Variants in MFSD11 observed in about 807,000 individuals in gnomAD.
The protein encoded by MFSD11 is major facilitator superfamily domain containing 11, also known as UNC93-like protein MFSD11.
In MFSD11, 36 loss-of-function variants were observed where a neutral mutation model predicts 53.5. That is an observed-to-expected ratio of 0.67 (90% confidence interval 0.52 to 0.89). The LOEUF (loss-of-function observed/expected upper bound fraction) is 0.89. Among genes scored for constraint, MFSD11 ranks in the 40% least tolerant of loss-of-function variants. The pLI is 0.00. For missense variants in MFSD11, 530 were observed against 543.9 expected, an observed-to-expected ratio of 0.97 and a Z score of 0.25; for synonymous variants, 186 against 184.9, an observed-to-expected ratio of 1.01 and a Z score of -0.05.
At chr17:76,737,323 G>C (rs933213767), upstream of MFSD11, 4 of 920,326 alleles carry the variant, frequency 4.3e-6, no homozygotes, top group Non-Finnish European at 6.2e-6. Context: ...GCGCACCTGA[G>C]TAACAACTGG....
At chr17:76,793,186 A>C in the MFSD11 span, among the ~76,000 whole-genome samples, 13 of 151,408 alleles carry the variant, frequency 8.6e-5, no homozygotes, top group African/African-American at 2.9e-4. Flanking sequence ...TCAAAAATTT[A>C]TTAGGCGGGA....
chr17:76,797,906 CAG>C, the MFSD11 span, among the ~76,000 whole-genome samples: 2 of 149,220 alleles, frequency 1.3e-5, no homozygotes, highest in Admixed American at 6.7e-5. Context: ...TTTTTTGAAA[CAG>C]GGTCTCACTT....
At chr17:76,763,379 C>G (rs1461197011) in intron 8 of MFSD11, among the ~76,000 whole-genome samples, 1 of 151,788 alleles carries the variant, frequency 6.6e-6, no homozygotes, top group Non-Finnish European at 1.5e-5. Context: ...ATTCTCCTGT[C>G]TCAGCCTCCC....
At chr17:76,796,850 C>T in the MFSD11 span, among the ~76,000 whole-genome samples, 5 of 146,636 alleles carry the variant, frequency 3.4e-5, no homozygotes, top group Admixed American at 6.8e-5. Context: ...TATGGTGGCA[C>T]GAGCCTGTAG....
At chr17:76,755,995 T>G in intron 8 of MFSD11, among the ~76,000 whole-genome samples, 1 of 150,190 alleles carries the variant, frequency 6.7e-6, no homozygotes, top group Non-Finnish European at 1.5e-5. Flanking sequence ...GGCTAATTTT[T>G]GTATTTTTAG....
At position 76,754,104 on chromosome 17, in the gene MFSD11, T is replaced by C. The variant is rs1437575238; in HGVS notation, c.682+17T>C. 6.2e-7 allele frequency: 1 copy of C among 1,604,994 alleles called. No homozygotes were observed. Among genetic ancestry groups the C allele is most frequent in the African/African-American group, 1.4e-5 (1 of 73,570 alleles). On this transcript the variant is annotated intron_variant, in intron 8 of 12. Transcript: ENST00000685175. Reference sequence around the variant, plus strand: ...ATGCTTTTAGTAAGTATTTTCTGTATCTGAAATGCAAGAACTGTTCAGGAA... The same window carrying C: ...ATGCTTTTAGTAAGTATTTTCTGTACCTGAAATGCAAGAACTGTTCAGGAA...
At chr17:76,759,126 AC>A (rs1746091025) in intron 8 of MFSD11, among the ~76,000 whole-genome samples, 1 of 152,098 alleles carries the variant, frequency 6.6e-6, no homozygotes, top group African/African-American at 2.4e-5. Flanking sequence ...GAATGGTGGC[AC>A]GTCCCAGCTA....
the MFSD11 span, among the ~76,000 whole-genome samples, chr17:76,786,463 G>A: frequency 6.6e-6 from 1 of 152,062 alleles, no homozygotes; most frequent in African/African-American, 2.4e-5. Flanking sequence ...CTTAACTTGG[G>A]GATTCACTAG....
chr17:76,777,597 T>C (rs1037124261), intron 12 of MFSD11, among the ~76,000 whole-genome samples: 2 of 152,290 alleles, frequency 1.3e-5, no homozygotes, highest in East Asian at 3.9e-4. Context: ...TTTTTGCTTT[T>C]GTCTTGTATT....
At chr17:76,755,814 T>TATATATATATATATA (rs1598612525) in intron 8 of MFSD11, among the ~76,000 whole-genome samples, 3 of 7,848 alleles carry the variant, frequency 3.8e-4, no homozygotes, top group Non-Finnish European at 5.1e-4. Flanking sequence ...ATATATATAT[T>TATATATATATATATA]TTTTTTTTTT....
At chr17:76,798,126 A>G in the MFSD11 span, among the ~76,000 whole-genome samples, 2 of 151,542 alleles carry the variant, frequency 1.3e-5, no homozygotes, top group Non-Finnish European at 2.9e-5. Context: ...ACGCTCAAGC[A>G]ATCCTCCCAC....
At chr17:76,736,734 G>A (rs895199480), upstream of MFSD11, 2 of 1,384,656 alleles carry the variant, frequency 1.4e-6, no homozygotes, top group African/African-American at 1.5e-5. Context: ...GCGGACCTTT[G>A]TGAGGTCGCC....
intron 9 of MFSD11, among the ~76,000 whole-genome samples, chr17:76,768,163 G>A (rs1242764092): frequency 6.6e-6 from 1 of 152,002 alleles, no homozygotes; most frequent in African/African-American, 2.4e-5. Flanking sequence ...AATTAGCCGA[G>A]TATGGTGGTG....
intron 8 of MFSD11, among the ~76,000 whole-genome samples, chr17:76,757,538 G>T (rs2079774645): frequency 6.6e-6 from 1 of 152,140 alleles, no homozygotes; most frequent in Non-Finnish European, 1.5e-5. Flanking sequence ...GGGCTGTGAT[G>T]AATGTTGTAC....
At chr17:76,797,547 T>G in the MFSD11 span, among the ~76,000 whole-genome samples, 1 of 152,214 alleles carries the variant, frequency 6.6e-6, no homozygotes, top group African/African-American at 2.4e-5. Flanking sequence ...GGCTGGCTCT[T>G]TTTCTTTTAC....
Position 76,746,112 on chromosome 17 carries a change from G to A in MFSD11, c.641+1646G>A, listed in dbSNP as rs566724476. Among the ~76,000 whole-genome samples, 6 of 152,270 alleles carry A rather than the reference G, an allele frequency of 3.9e-5. No homozygotes were observed. In the East Asian group the frequency reaches 1.2e-3, roughly 29 times the overall value. ...AAGGGACTCAAAAGAGCTACTCCAG[G>A]GAACACACGAATGATAAGAAAGTGA... On this transcript the variant is annotated intron_variant, in intron 7 of 12. Coordinates refer to ENST00000685175, the MANE Select transcript of MFSD11 (RefSeq NM_001242532.5).
intron 8 of MFSD11, among the ~76,000 whole-genome samples, chr17:76,761,131 G>C (rs939341312): frequency 6.6e-6 from 1 of 152,048 alleles, no homozygotes; most frequent in African/African-American, 2.4e-5. Context: ...CTTGAACCTG[G>C]GAGACAGAGA....
At chr17:76,737,677 C>G (rs1326285305), upstream of MFSD11, 1 of 181,684 alleles carries the variant, frequency 5.5e-6, no homozygotes, top group African/African-American at 2.4e-5. Flanking sequence ...CAAGTTCACG[C>G]CCCTTTTTTG....
chr17:76,790,343 C>CT, the MFSD11 span, among the ~76,000 whole-genome samples: 2,262 of 121,920 alleles, frequency 0.019, 141 homozygotes, highest in African/African-American at 0.068. Context: ...ATATTTCTTT[C>CT]TTTCTTTTTT....
Sources: allele counts gnomAD v4.1 joint callset (sites outside exome capture counted in the v4.1 genomes callset), GRCh38; gene constraint gnomAD v4.1.1; transcripts MANE v1.5; gene names NCBI Gene and HGNC (gene_info 2026-07-23, HGNC 2026-07-21).